The following TAFA4 variants were observed in gnomAD, a reference collection of about 807,000 sequenced individuals.
TAFA4 encodes TAFA chemokine like family member 4, also known as chemokine-like protein TAFA-4.
In TAFA4, 20 loss-of-function variants were observed where a neutral mutation model predicts 21.1. The observed-to-expected ratio is 0.95, with a 90% confidence interval of 0.67 to 1.38. TAFA4 has a LOEUF of 1.38. Ranked by LOEUF, TAFA4 falls within the 40% of genes most tolerant of loss-of-function variation. The probability of loss-of-function intolerance (pLI) is 0.00; values close to 1 mark genes in which losing one functional copy is unlikely to be tolerated. For missense variants in TAFA4, 211 were observed against 180.9 expected, an observed-to-expected ratio of 1.17 and a Z score of -0.95; for synonymous variants, 71 against 67.4, an observed-to-expected ratio of 1.05 and a Z score of -0.26.
chr3:68,769,654 C>T (rs944121852), intron 3 of TAFA4, among the ~76,000 whole-genome samples: 2 of 152,188 alleles, frequency 1.3e-5, no homozygotes, highest in African/African-American at 4.8e-5. Flanking sequence ...ACAATGCATA[C>T]ATGTATCGAA....
rs112376773 is a variant in TAFA4, at chr3:68,733,279, G to A, written c.412-126C>T. 2,528 of 1,197,486 alleles carry A rather than the reference G, an allele frequency of 2.1e-3. 19 individuals carry two copies. The highest frequency in any genetic ancestry group is 0.021 in the East Asian group (853 of 40,526). The allele number at this position is 1,197,486 out of a possible 1,614,324, so 74.2% of individuals were successfully genotyped here. ...TCAGTTTGTACATTTACCTATAACC[G>A]ACCTCACCAAATCAACAGTTCAAAT... is the stretch of plus-strand genomic sequence containing the variant. On this transcript the variant is annotated intron_variant, in intron 5 of 5. Coordinates refer to ENST00000295569, the MANE Select transcript of TAFA4 (RefSeq NM_182522.5).
chr3:68,835,019 C>A (rs1704489887), intron 3 of TAFA4, among the ~76,000 whole-genome samples: 1 of 152,162 alleles, frequency 6.6e-6, no homozygotes, highest in Non-Finnish European at 1.5e-5. Flanking sequence ...ATGGCCTACA[C>A]ATGCAGGGGT....
intron 3 of TAFA4, 56 bp downstream of exon 3, chr3:68,880,674 G>A (rs960125770): frequency 1.3e-5 from 18 of 1,438,660 alleles, no homozygotes; most frequent in Non-Finnish European, 1.8e-5. Context: ...TGTGGACTCT[G>A]ACATTTGGAG....
At position 68,805,722 on chromosome 3, in the gene TAFA4, G is replaced by A. The variant is rs564860998; in HGVS notation, c.131-52704C>T. 7.9e-5 allele frequency among the ~76,000 whole-genome samples: 12 copies of A among 151,788 alleles called. 1 individual carries two copies. Among genetic ancestry groups the A allele is most frequent in the South Asian group, 2.1e-4 (1 of 4,786 alleles). On this transcript the variant is annotated intron_variant, in intron 3 of 5. Coordinates refer to ENST00000295569, the MANE Select transcript of TAFA4 (RefSeq NM_182522.5). ...TCACAAGGACAAAAAACCAAACACCGCGTGTTCTCACTCATAGGTGGGAAT... is the reference window on the plus strand; with the variant it reads ...TCACAAGGACAAAAAACCAAACACCACGTGTTCTCACTCATAGGTGGGAAT...
At chr3:68,893,954 T>C (rs2089758885) in intron 1 of TAFA4, among the ~76,000 whole-genome samples, 1 of 152,160 alleles carries the variant, frequency 6.6e-6, no homozygotes, top group Non-Finnish European at 1.5e-5. Flanking sequence ...TATTTATAAA[T>C]AGAATGCAAA....
Position 68,804,566 on chromosome 3 carries a change from T to C in TAFA4, c.131-51548A>G, listed in dbSNP as rs191333181. ...GACTTCAAACTATACTACAAGGCTA[T>C]AGTAACCAAAACAGCATGGTACTGG... On this transcript the variant is annotated intron_variant, in intron 3 of 5. Coordinates refer to ENST00000295569, the MANE Select transcript of TAFA4 (RefSeq NM_182522.5). Among the ~76,000 whole-genome samples, 511 of 152,234 alleles carry C rather than the reference T, an allele frequency of 3.4e-3. 1 individual carries two copies. Among genetic ancestry groups the C allele is most frequent in the African/African-American group, 0.012 (489 of 41,558 alleles).
At chr3:68,920,996 G>T (rs1484200214) in intron 1 of TAFA4, among the ~76,000 whole-genome samples, 1 of 152,156 alleles carries the variant, frequency 6.6e-6, no homozygotes. Flanking sequence ...CTGGGGTTGA[G>T]TGCTGGGGGG....
At chr3:68,908,383 C>G (rs917275188) in intron 1 of TAFA4, among the ~76,000 whole-genome samples, 9 of 152,198 alleles carry the variant, frequency 5.9e-5, no homozygotes, top group South Asian at 2.1e-4. Flanking sequence ...TGGGAAGCCA[C>G]GAGGCTCTAT....
intron 1 of TAFA4, among the ~76,000 whole-genome samples, chr3:68,893,377 G>A (rs2089752590): frequency 6.6e-6 from 1 of 152,088 alleles, no homozygotes; most frequent in African/African-American, 2.4e-5. Context: ...AGTTCTTGAG[G>A]GGAGAATAAT....
chr3:68,751,155 C>G (rs1399358955), intron 4 of TAFA4, among the ~76,000 whole-genome samples: 1 of 152,164 alleles, frequency 6.6e-6, no homozygotes, highest in African/African-American at 2.4e-5. Flanking sequence ...ATGGGAAGAA[C>G]TCTGGATTGC....
Position 68,767,501 on chromosome 3 carries a change from CAA to C in TAFA4, c.131-14485_131-14484del, listed in dbSNP as rs763401474. Among the ~76,000 whole-genome samples the C allele has an allele frequency of 9.9e-5, 15 of 151,894 alleles. No homozygotes were observed. In the South Asian group the frequency reaches 1.5e-3, roughly 15 times the overall value. ...CAAGAAAGGAAACACTATATATTAA[CAA>C]GAGGTTATAAGTAAAATCTAAAGTT... On this transcript the variant is annotated intron_variant, in intron 3 of 5. Transcript: ENST00000295569.
intron 3 of TAFA4, among the ~76,000 whole-genome samples, chr3:68,773,978 C>G (rs1451231953): frequency 6.6e-6 from 1 of 152,146 alleles, no homozygotes; most frequent in African/African-American, 2.4e-5. Flanking sequence ...AGTTTTCATT[C>G]AGAAACAAAG....
intron 3 of TAFA4, among the ~76,000 whole-genome samples, chr3:68,783,186 G>A (rs150648272): frequency 1.9e-3 from 293 of 152,266 alleles, no homozygotes; most frequent in African/African-American, 6.5e-3. Context: ...CAACTATGAA[G>A]ATCAAATGCA....
At chr3:68,920,724 T>C (rs2090051760) in intron 1 of TAFA4, among the ~76,000 whole-genome samples, 1 of 151,008 alleles carries the variant, frequency 6.6e-6, no homozygotes, top group African/African-American at 2.4e-5. Context: ...TTATGACCAG[T>C]GGCACCACTA....
At chr3:68,925,404 A>G (rs2090098754) in intron 1 of TAFA4, among the ~76,000 whole-genome samples, 2 of 152,338 alleles carry the variant, frequency 1.3e-5, no homozygotes, top group South Asian at 2.1e-4. Context: ...TTACTATTCC[A>G]GTGATTTGTT....
intron 3 of TAFA4, among the ~76,000 whole-genome samples, chr3:68,772,713 A>T (rs1264877448): frequency 6.6e-6 from 1 of 152,118 alleles, no homozygotes; most frequent in Non-Finnish European, 1.5e-5. Flanking sequence ...GGGTAGAGGG[A>T]GGGGAGCTGG....
At chr3:68,785,512 G>A (rs59548135) in intron 3 of TAFA4, among the ~76,000 whole-genome samples, 31,039 of 152,234 alleles carry the variant, frequency 0.2, 4,038 homozygotes, top group East Asian at 0.61. Context: ...GCAGCTGCTG[G>A]CCCAGGTGCT....
intron 3 of TAFA4, among the ~76,000 whole-genome samples, chr3:68,802,237 T>C (rs181851082): frequency 1.7e-3 from 256 of 152,278 alleles, no homozygotes; most frequent in Middle Eastern, 6.8e-3. Flanking sequence ...TGGTATCTTT[T>C]TCTAAGTGTT....
At chr3:68,876,438 G>A (rs1004977442) in intron 3 of TAFA4, among the ~76,000 whole-genome samples, 3 of 152,172 alleles carry the variant, frequency 2.0e-5, no homozygotes, top group African/African-American at 7.2e-5. Context: ...TTTCACAAAT[G>A]TTATCTCAAA....
Sources: allele counts gnomAD v4.1 joint callset (sites outside exome capture counted in the v4.1 genomes callset), GRCh38; gene constraint gnomAD v4.1.1; transcripts MANE v1.5; gene names NCBI Gene and HGNC (gene_info 2026-07-23, HGNC 2026-07-21).